The following FAM219A variants were observed in gnomAD, a reference collection of about 807,000 sequenced individuals.
FAM219A encodes the protein family with sequence similarity 219 member A, also known as protein FAM219A.
In FAM219A, 7 loss-of-function variants were observed where a neutral mutation model predicts 23.4. The observed-to-expected ratio is 0.30, with a 90% CI of 0.17 to 0.56. The LOEUF is 0.56. Among genes scored for constraint, FAM219A ranks in the 20% least tolerant of loss-of-function variants. The pLI is 0.92. For missense variants in FAM219A, 166 were observed against 246.9 expected (o/e 0.67, Z 2.20); for synonymous variants, 93 against 99.0 (o/e 0.94, Z 0.36).
chr9:34,454,166 G>A lies in FAM219A; in HGVS notation c.60+4038C>T, dbSNP rs141456250. Among the ~76,000 whole-genome samples, 381 of 152,256 alleles carry A rather than the reference G, an allele frequency of 2.5e-3. 2 individuals are homozygous for A. The highest frequency in any genetic ancestry group is 8.5e-3 in the African/African-American group (352 of 41,540). On this transcript the variant is annotated intron_variant, in intron 1 of 5. Coordinates refer to ENST00000651358, the MANE Select transcript of FAM219A (RefSeq NM_001184940.2). ...CATAAGAAGACAGGAGGCCAAGTGCGGTGGCTCACGCCTGTAATCCCAGCA... is the reference window on the plus strand; with the variant it reads ...CATAAGAAGACAGGAGGCCAAGTGCAGTGGCTCACGCCTGTAATCCCAGCA...
chr9:34,420,561 T>G, intron 1 of FAM219A, among the ~76,000 whole-genome samples: 1 of 152,156 alleles, frequency 6.6e-6, no homozygotes, highest in South Asian at 2.1e-4. Flanking sequence ...GACCTTTTCC[T>G]TTACCATTGA....
At chr9:34,401,884 A>T (rs1212394144) in intron 4 of FAM219A, among the ~76,000 whole-genome samples, 164 bp from the exon 5 acceptor site, 2 of 152,126 alleles carry the variant, frequency 1.3e-5, no homozygotes, top group Admixed American at 1.3e-4. Flanking sequence ...GATTTTAAAG[A>T]CAAGTTCCCT....
chr9:34,429,614 TCTC>T (rs1377303412), intron 1 of FAM219A, among the ~76,000 whole-genome samples: 1 of 152,116 alleles, frequency 6.6e-6, no homozygotes, highest in Non-Finnish European at 1.5e-5. Flanking sequence ...ATTTAACTCT[TCTC>T]TGCTTGTGGG....
chr9:34,400,870 G>T lies in FAM219A; in HGVS notation c.*94C>A. On this transcript the variant is annotated 3_prime_UTR_variant, in exon 6 of 6. Transcript: ENST00000651358. The stretch of plus-strand genomic sequence containing the variant: ...TTGGCGGCTGTAGGGGCGCGGGGCC[G>T]GGGGCAGGCAGACGAGCTGGGAAGG... The T allele has an allele frequency of 7.6e-7, 1 of 1,309,576 alleles. No individual in the cohort carries two copies. Among genetic ancestry groups the T allele is most frequent in the Non-Finnish European group, 1.0e-6 (1 of 994,304 alleles). 81.1% of individuals were successfully genotyped at this position (1,309,576 alleles called of 1,614,324 possible). A position where few individuals can be genotyped will look rare whatever the true frequency, so the allele number is the denominator to read the frequency against.
At chr9:34,402,600 CAG>C in intron 3 of FAM219A, 103 bp downstream of exon 3, 1 of 1,552,444 alleles carries the variant, frequency 6.4e-7, no homozygotes, top group Non-Finnish European at 8.8e-7. Context: ...TGTCTCCTCT[CAG>C]AGAGGAGCTG....
chr9:34,407,488 T>C (rs2131934971), intron 1 of FAM219A, among the ~76,000 whole-genome samples: 1 of 152,312 alleles, frequency 6.6e-6, no homozygotes, highest in South Asian at 2.1e-4. Flanking sequence ...TCACCCATTC[T>C]TTTTAAAAAT....
chr9:34,407,274 A>T (rs2131934502), intron 1 of FAM219A, among the ~76,000 whole-genome samples: 1 of 152,236 alleles, frequency 6.6e-6, no homozygotes, highest in African/African-American at 2.4e-5. Context: ...TCCCTTTAAT[A>T]AGAGTAGATT....
At chr9:34,447,739 C>T (rs1394299911) in intron 1 of FAM219A, among the ~76,000 whole-genome samples, 2 of 152,198 alleles carry the variant, frequency 1.3e-5, no homozygotes, top group African/African-American at 4.8e-5. Flanking sequence ...CTTCTTTCCC[C>T]CTCTTATCTG....
chr9:34,433,137 A>G (rs571407697), intron 1 of FAM219A, among the ~76,000 whole-genome samples: 12 of 152,310 alleles, frequency 7.9e-5, no homozygotes, highest in East Asian at 1.9e-4. Flanking sequence ...TATTTATTCA[A>G]TCATGTATTT....
intron 1 of FAM219A, among the ~76,000 whole-genome samples, chr9:34,433,240 C>G (rs1475344209): frequency 1.3e-5 from 2 of 152,124 alleles, no homozygotes; most frequent in African/African-American, 4.8e-5. Flanking sequence ...CAGCTTTGGC[C>G]ATTGAGAACA....
At chr9:34,428,899 T>C (rs1301488599) in intron 1 of FAM219A, among the ~76,000 whole-genome samples, 1 of 152,266 alleles carries the variant, frequency 6.6e-6, no homozygotes, top group Non-Finnish European at 1.5e-5. Context: ...TGCTGTTTCC[T>C]GGAGCAAGAG....
intron 1 of FAM219A, among the ~76,000 whole-genome samples, chr9:34,452,396 A>G (rs1156301664): frequency 6.6e-6 from 1 of 152,172 alleles, no homozygotes; most frequent in African/African-American, 2.4e-5. Context: ...CGAGGTGATG[A>G]TGGTCTCTTC....
In FAM219A at chr9:34,458,136, T is replaced by G; in HGVS notation, c.60+68A>C. The G allele has an allele frequency of 1.0e-5, 14 of 1,339,590 alleles. No individual in the cohort carries two copies. Among genetic ancestry groups the G allele is most frequent in the South Asian group, 1.4e-5 (1 of 70,076 alleles). 83.0% of individuals were successfully genotyped at this position (1,339,590 alleles called of 1,614,324 possible). ...GCCCCTCCGCACGATCCCCCCGGCC[T>G]GATTCCCTCCCTCCCCCTCAAGCGA... On this transcript the variant is annotated intron_variant, in intron 1 of 5. Coordinates refer to ENST00000651358, the MANE Select transcript of FAM219A (RefSeq NM_001184940.2). The surrounding 1 kb of genome is among the most constrained non-coding windows in gnomAD (Gnocchi z 6.6).
intron 1 of FAM219A, 84 bp from the exon 2 acceptor site, chr9:34,406,048 C>T: frequency 1.5e-6 from 2 of 1,356,988 alleles, no homozygotes; most frequent in Non-Finnish European, 2.0e-6. Context: ...AGCCTTCCCA[C>T]CTGCCCTCTG....
chr9:34,456,749 G>A (rs1471203249), intron 1 of FAM219A, among the ~76,000 whole-genome samples: 1 of 152,166 alleles, frequency 6.6e-6, no homozygotes, highest in East Asian at 1.9e-4. Flanking sequence ...AAAAAGTCCT[G>A]CAACACCTCT....
At chr9:34,420,305 GA>G (rs1363987371) in intron 1 of FAM219A, among the ~76,000 whole-genome samples, 1 of 152,232 alleles carries the variant, frequency 6.6e-6, no homozygotes, top group Non-Finnish European at 1.5e-5. Flanking sequence ...GAGCACAGAG[GA>G]GAGCGATAAT....
chr9:34,402,172 A>T (rs1821466500), intron 4 of FAM219A: 4 of 1,479,642 alleles, frequency 2.7e-6, no homozygotes, highest in Non-Finnish European at 3.6e-6. Flanking sequence ...ATGACAGCAG[A>T]CAACGCAGGC....
At chr9:34,444,645 A>G (rs944886565) in intron 1 of FAM219A, among the ~76,000 whole-genome samples, 1 of 152,074 alleles carries the variant, frequency 6.6e-6, no homozygotes, top group Non-Finnish European at 1.5e-5. Context: ...AAGATGGGAA[A>G]AGGCCAATTT....
At position 34,401,829 on chromosome 9, in the gene FAM219A, A is replaced by C. The variant is rs947780216; in HGVS notation, c.345-109T>G. ...ATCCTATACCTCCCTTACAGTTCCA[A>C]ATAGCAAAATCTCAATACGAACTGT... On this transcript the variant is annotated intron_variant, in intron 4 of 5. Transcript: ENST00000651358. 7 of 1,209,148 alleles carry C rather than the reference A, an allele frequency of 5.8e-6. No homozygotes were observed. In the Admixed American group the frequency reaches 1.4e-4, roughly 25 times the overall value. The allele number at this position is 1,209,148 out of a possible 1,614,324, so 74.9% of individuals were successfully genotyped here.
Sources: allele counts gnomAD v4.1 joint callset (sites outside exome capture counted in the v4.1 genomes callset), GRCh38; gene constraint gnomAD v4.1.1; non-coding constraint Gnocchi (gnomAD v3.1); transcripts MANE v1.5; gene names NCBI Gene and HGNC (gene_info 2026-07-23, HGNC 2026-07-21).